Variants in APPL1 observed in about 807,000 individuals in gnomAD.
APPL1 encodes DCC-interacting protein 13-alpha.
In APPL1, 42 loss-of-function variants were observed where a neutral mutation model predicts 106.8. That is an observed-to-expected ratio of 0.39 (90% CI 0.31 to 0.51). The LOEUF (loss-of-function observed/expected upper bound fraction) is 0.51, where lower values mean the gene tolerates loss of function less well. APPL1 is among the 20% of genes least tolerant of loss of function. APPL1 has a pLI of 0.75. For synonymous variants in APPL1, 263 were observed against 281.8 expected (o/e 0.93, Z 0.67); for missense variants, 769 against 858.2 (o/e 0.90, Z 1.30).
chr3:57,260,532 A>G, intron 18 of APPL1, 96 bp from the exon 19 acceptor site: 1 of 1,155,002 alleles, frequency 8.7e-7, no homozygotes, highest in Non-Finnish European at 1.2e-6. Flanking sequence ...ATATTAAAAT[A>G]TTTATATTTT....
At chr3:57,241,683 A>G (rs989629106) in intron 5 of APPL1, among the ~76,000 whole-genome samples, 7 of 152,326 alleles carry the variant, frequency 4.6e-5, no homozygotes, top group African/African-American at 1.7e-4. Context: ...GTCATTTCTA[A>G]GGTCTAGAAC....
rs1321053737 is a variant in APPL1, at chr3:57,263,725, TTG to T, written c.1842+2963_1842+2964del. Reference sequence around the variant, plus strand: ...TTTTTTCTGGCTGAATAGTACTCCATTGTGTGTGTGTGTACATTTTCTTTATC... The same window carrying T: ...TTTTTTCTGGCTGAATAGTACTCCATTGTGTGTGTGTACATTTTCTTTATC... On this transcript the variant is annotated intron_variant, in intron 19 of 21. Transcript: ENST00000288266. Among the ~76,000 whole-genome samples, 201 of 151,694 alleles carry T rather than the reference TTG, an allele frequency of 1.3e-3. 1 individual carries two copies. Among genetic ancestry groups the T allele is most frequent in the African/African-American group, 4.7e-3 (195 of 41,424 alleles).
Position 57,260,678 on chromosome 3 carries a change from C to T in APPL1, c.1746C>T (p.Arg582=), listed in dbSNP as rs2060860337. 1 of 1,612,796 alleles carries T rather than the reference C, an allele frequency of 6.2e-7. No homozygotes were observed. Among genetic ancestry groups the T allele is most frequent in the African/African-American group, 1.3e-5 (1 of 74,900 alleles). ...ATGCTACACACCAGGAAAATAAGCGCCTTTTTGGATTTGTTCTTCGGACAT... is the reference window on the plus strand; with the variant it reads ...ATGCTACACACCAGGAAAATAAGCGTCTTTTTGGATTTGTTCTTCGGACAT... ...VLYATHQENK[R]LFGFVLRTSS... The change falls in exon 19 of 22, where the codon CGC becomes CGT. Residue 582 remains arginine, a synonymous_variant. Transcript: ENST00000288266.
At chr3:57,235,702 C>T (rs374551340) in intron 2 of APPL1, 38 bp downstream of exon 2, 10 of 1,475,992 alleles carry the variant, frequency 6.8e-6, no homozygotes, top group African/African-American at 2.8e-5. Context: ...TTTTAAAACA[C>T]GAATCTTTAA....
intron 12 of APPL1, among the ~76,000 whole-genome samples, chr3:57,253,362 T>A (rs1213328538): frequency 9.2e-5 from 14 of 152,108 alleles, no homozygotes; most frequent in Admixed American, 9.2e-4. Flanking sequence ...GATTGCTATA[T>A]TTTTTATTGC....
At chr3:57,237,649 G>A in intron 3 of APPL1, 98 bp downstream of exon 3, 1 of 819,462 alleles carries the variant, frequency 1.2e-6, no homozygotes, top group Admixed American at 3.2e-5. Flanking sequence ...TGAATTCACA[G>A]AATATGCCAT....
intron 10 of APPL1, among the ~76,000 whole-genome samples, chr3:57,249,113 C>A (rs1439086214): frequency 3.3e-5 from 5 of 152,112 alleles, no homozygotes; most frequent in Non-Finnish European, 7.4e-5. Flanking sequence ...TTTTATGGAT[C>A]ATTATTATAA....
chr3:57,237,769 T>C (rs1050950057), intron 3 of APPL1, among the ~76,000 whole-genome samples: 2 of 152,214 alleles, frequency 1.3e-5, no homozygotes, highest in African/African-American at 4.8e-5. Flanking sequence ...AGCTGTGACT[T>C]GCTGAACATT....
intron 11 of APPL1, among the ~76,000 whole-genome samples, chr3:57,251,255 G>C (rs2060803064): frequency 1.3e-5 from 2 of 150,974 alleles, no homozygotes; most frequent in Admixed American, 1.3e-4. Flanking sequence ...CGGGCTTGGT[G>C]GCTCACGCCT....
In APPL1 at chr3:57,238,260, A is replaced by G. The variant is rs1203183595; in HGVS notation, c.285+144A>G. 5.1e-6 allele frequency: 3 copies of G among 583,720 alleles called. No homozygotes were observed. The African/African-American group carries it at 5.7e-5, about 11-fold the overall frequency. 36.2% of individuals were successfully genotyped at this position (583,720 alleles called of 1,614,324 possible). On this transcript the variant is annotated intron_variant, in intron 4 of 21. Transcript: ENST00000288266. ...TCCACATCCTGGTGGCTGGCTCATCAAAACAATACTTTCTTTACCTGATTA... is the reference window on the plus strand; with the variant it reads ...TCCACATCCTGGTGGCTGGCTCATCGAAACAATACTTTCTTTACCTGATTA...
intron 19 of APPL1, 26 bp downstream of exon 19, chr3:57,260,800 G>A (rs773260129): frequency 1.9e-6 from 3 of 1,548,640 alleles, no homozygotes; most frequent in South Asian, 1.3e-5. Context: ...GAATATCTCT[G>A]TCATAACCAC....
chr3:57,248,505 G>T (rs1410508109), intron 10 of APPL1, among the ~76,000 whole-genome samples, 154 bp downstream of exon 10: 1 of 152,160 alleles, frequency 6.6e-6, no homozygotes, highest in African/African-American at 2.4e-5. Flanking sequence ...TTTGACAGAT[G>T]AAGTACATGA....
chr3:57,246,520 A>G (rs1032618925), intron 8 of APPL1, among the ~76,000 whole-genome samples: 4 of 152,218 alleles, frequency 2.6e-5, no homozygotes, highest in African/African-American at 4.8e-5. Context: ...TAGAGCTTCA[A>G]CTAAACACTT....
At chr3:57,257,530 A>G (rs2060843804) in intron 15 of APPL1, 102 bp downstream of exon 15, 1 of 1,024,328 alleles carries the variant, frequency 9.8e-7, no homozygotes, top group Admixed American at 2.9e-5. Flanking sequence ...TATATCAGCT[A>G]TGTTGTACTT....
At chr3:57,267,910 G>A in intron 20 of APPL1, 118 bp downstream of exon 20, 2 of 991,946 alleles carry the variant, frequency 2.0e-6, no homozygotes, top group Non-Finnish European at 3.1e-6. Flanking sequence ...TGGCCAACAT[G>A]GTGAAACCCC....
At chr3:57,251,409 A>G (rs934248546) in intron 11 of APPL1, among the ~76,000 whole-genome samples, 3 of 151,230 alleles carry the variant, frequency 2.0e-5, no homozygotes, top group Admixed American at 1.3e-4. Flanking sequence ...CTGTAATCCT[A>G]CCTACTTGGG....
intron 1 of APPL1, among the ~76,000 whole-genome samples, chr3:57,234,032 C>T (rs1224080221): frequency 1.3e-5 from 2 of 152,050 alleles, no homozygotes; most frequent in African/African-American, 2.4e-5. Flanking sequence ...TGCAGTGAGC[C>T]GAGATCATGT....
intron 19 of APPL1, among the ~76,000 whole-genome samples, chr3:57,262,172 A>C (rs1269817336): frequency 6.6e-6 from 1 of 151,926 alleles, no homozygotes; most frequent in Non-Finnish European, 1.5e-5. Context: ...AGTTGGATGA[A>C]CAGTTTGCAA....
chr3:57,253,573 T>C, intron 12 of APPL1, 109 bp from the exon 13 acceptor site: 2 of 783,776 alleles, frequency 2.6e-6, no homozygotes, highest in South Asian at 4.7e-5. Flanking sequence ...GGAAGATAAA[T>C]ATATTACTTC....
Sources: gnomAD v4.1 joint callset for allele counts (sites outside exome capture counted in the v4.1 genomes callset) on GRCh38, gnomAD v4.1.1 for gene constraint, MANE v1.5 for transcripts, NCBI Gene and HGNC (gene_info 2026-07-23, HGNC 2026-07-21) for gene names.